KCNIP1: variants seen among roughly 807,000 people sequenced by gnomAD.
KCNIP1 encodes the protein potassium voltage-gated channel interacting protein 1, also known as A-type potassium channel modulatory protein KCNIP1.
A neutral mutation model predicts 33.0 loss-of-function variants in KCNIP1; 18 were observed. That is an observed-to-expected ratio of 0.55 (90% CI 0.38 to 0.81). KCNIP1 has a LOEUF of 0.81. Ranked by LOEUF, KCNIP1 falls within the 30% of genes least tolerant of loss-of-function variation. KCNIP1 has a pLI of 0.00. For missense variants in KCNIP1, 238 were observed against 271.6 expected (o/e 0.88, Z 0.87); for synonymous variants, 93 against 98.3 (o/e 0.95, Z 0.32).
At chr5:170,453,017 T>C (rs954531269) in intron 1 of KCNIP1, among the ~76,000 whole-genome samples, 2 of 152,238 alleles carry the variant, frequency 1.3e-5, no homozygotes, top group Non-Finnish European at 1.5e-5. Flanking sequence ...ACTGATTAAG[T>C]ATATTTTGCA....
chr5:170,440,863 A>C (rs908175961), intron 1 of KCNIP1, among the ~76,000 whole-genome samples: 1 of 152,110 alleles, frequency 6.6e-6, no homozygotes, highest in African/African-American at 2.4e-5. Context: ...CCTTGGATGA[A>C]GCTTCCGCTC....
chr5:170,733,856 T>C lies in KCNIP1; in HGVS notation c.561T>C (p.Asp187=), dbSNP rs747520362. 1 of 1,613,768 alleles carries C rather than the reference T, an allele frequency of 6.2e-7. No individual in the cohort carries two copies. The highest frequency in any genetic ancestry group is 8.5e-7 in the Non-Finnish European group (1 of 1,179,700). ...VFFQKMDKNK[D]GIVTLDEFLE... ...TTCAGAAAATGGACAAAAATAAAGATGGCATCGTAACTTTAGATGAATTTC... is the reference window on the plus strand; with the variant it reads ...TTCAGAAAATGGACAAAAATAAAGACGGCATCGTAACTTTAGATGAATTTC... Residue 187 remains aspartate, a synonymous_variant, in exon 7 of 8, where the codon GAT becomes GAC. Transcript: ENST00000328939.
intron 1 of KCNIP1, among the ~76,000 whole-genome samples, chr5:170,454,592 C>A (rs776386143): frequency 1.3e-5 from 2 of 152,200 alleles, no homozygotes; most frequent in Admixed American, 6.5e-5. Context: ...GTTTAGAAAA[C>A]TTCCTGATGA....
chr5:170,411,462 T>C (rs998025962), intron 1 of KCNIP1, among the ~76,000 whole-genome samples: 1 of 151,934 alleles, frequency 6.6e-6, no homozygotes, highest in African/African-American at 2.4e-5. Context: ...AAGAGAGAGA[T>C]TGTGTGTGTA....
chr5:170,472,676 G>C (rs201513743), intron 1 of KCNIP1, among the ~76,000 whole-genome samples: 9 of 136,694 alleles, frequency 6.6e-5, no homozygotes, highest in South Asian at 2.4e-4. Flanking sequence ...GAGAACATAC[G>C]ACGTTTGGTT....
chr5:170,669,666 AAGGTT>A, intron 1 of KCNIP1: 1 of 985,202 alleles, frequency 1.0e-6, no homozygotes, highest in Non-Finnish European at 1.2e-6. Flanking sequence ...CCTGGGTATG[AAGGTT>A]TGGCTTTAAT....
At chr5:170,724,569 G>T (rs1763943264) in intron 5 of KCNIP1, among the ~76,000 whole-genome samples, 1 of 152,028 alleles carries the variant, frequency 6.6e-6, no homozygotes, top group Non-Finnish European at 1.5e-5. Flanking sequence ...TTTGTACATG[G>T]TATAATTGTA....
chr5:170,677,668 T>G (rs1762195897), intron 1 of KCNIP1, among the ~76,000 whole-genome samples: 1 of 152,178 alleles, frequency 6.6e-6, no homozygotes, highest in Non-Finnish European at 1.5e-5. Context: ...ATCCAGTCTT[T>G]TATGATGTCT....
intron 1 of KCNIP1, among the ~76,000 whole-genome samples, chr5:170,372,944 T>G (rs1035879504): frequency 6.6e-6 from 1 of 151,942 alleles, no homozygotes; most frequent in Non-Finnish European, 1.5e-5. Context: ...GAGAACAGAG[T>G]CCATCTAAGC....
intron 1 of KCNIP1, among the ~76,000 whole-genome samples, chr5:170,457,351 G>A (rs556331629): frequency 6.6e-5 from 10 of 152,334 alleles, no homozygotes; most frequent in African/African-American, 9.6e-5. Flanking sequence ...GGAAGAGTAC[G>A]GAGAGGCCCT....
intron 1 of KCNIP1, among the ~76,000 whole-genome samples, chr5:170,706,079 A>T (rs569518134): frequency 1.3e-5 from 2 of 152,338 alleles, no homozygotes; most frequent in South Asian, 4.1e-4. Flanking sequence ...TCACCAAGAC[A>T]GGCAGTTAAT....
At chr5:170,471,659 C>G (rs989415895) in intron 1 of KCNIP1, among the ~76,000 whole-genome samples, 4 of 152,110 alleles carry the variant, frequency 2.6e-5, no homozygotes, top group African/African-American at 9.7e-5. Flanking sequence ...AGGGAAGCAG[C>G]GGGCCAGGTG....
intron 1 of KCNIP1, among the ~76,000 whole-genome samples, chr5:170,559,851 C>T (rs1363613676): frequency 6.6e-6 from 1 of 152,226 alleles, no homozygotes; most frequent in Non-Finnish European, 1.5e-5. Flanking sequence ...CTCAAAGCTG[C>T]AGGCTCCTCA....
At chr5:170,605,214 G>A (rs758798175) in intron 1 of KCNIP1, among the ~76,000 whole-genome samples, 1 of 151,878 alleles carries the variant, frequency 6.6e-6, no homozygotes, top group Non-Finnish European at 1.5e-5. Flanking sequence ...CATGTGCCCC[G>A]ACCTCCCATG....
intron 1 of KCNIP1, chr5:170,561,220 A>C (rs1411134738): frequency 2.3e-6 from 1 of 428,124 alleles, no homozygotes; most frequent in African/African-American, 2.0e-5. Flanking sequence ...AATGTCAATT[A>C]GAAAGTCCCC....
intron 1 of KCNIP1, among the ~76,000 whole-genome samples, chr5:170,443,033 C>T (rs1756028783): frequency 6.6e-6 from 1 of 152,172 alleles, no homozygotes. Flanking sequence ...GGTGGGCAAA[C>T]CCACCTTGGC....
intron 1 of KCNIP1, among the ~76,000 whole-genome samples, chr5:170,477,455 G>T (rs926409344): frequency 4.6e-5 from 7 of 151,688 alleles, no homozygotes. Context: ...ATTTGTTTTT[G>T]AGGCAGAGTC....
chr5:170,610,643 C>T (rs1759110023), intron 1 of KCNIP1, among the ~76,000 whole-genome samples: 1 of 152,200 alleles, frequency 6.6e-6, no homozygotes, highest in African/African-American at 2.4e-5. Context: ...CCCTCTGCCT[C>T]AGTTTCTTCA....
chr5:170,393,377 G>A (rs1022901724), intron 1 of KCNIP1, among the ~76,000 whole-genome samples: 1 of 152,200 alleles, frequency 6.6e-6, no homozygotes, highest in Non-Finnish European at 1.5e-5. Context: ...GAGCCCCTGT[G>A]TGTGCCTCTC....
Sources: allele counts gnomAD v4.1 joint callset (sites outside exome capture counted in the v4.1 genomes callset), GRCh38; gene constraint gnomAD v4.1.1; transcripts MANE v1.5; gene names NCBI Gene and HGNC (gene_info 2026-07-23, HGNC 2026-07-21).